The following MACROD2 variants were observed in gnomAD, a reference collection of about 807,000 sequenced individuals.
The protein encoded by MACROD2 is ADP-ribose glycohydrolase MACROD2.
Under a neutral mutation model 70.4 loss-of-function variants are expected in MACROD2, and 36 were observed. The observed-to-expected ratio is 0.51, with a 90% CI of 0.39 to 0.68. The LOEUF (loss-of-function observed/expected upper bound fraction) is 0.68. Among genes scored for constraint, MACROD2 ranks in the 30% least tolerant of loss-of-function variants. The pLI, the probability that MACROD2 is intolerant of heterozygous loss-of-function variation, is 0.00. For synonymous variants in MACROD2, 172 were observed against 178.8 expected (o/e 0.96, Z 0.30); for missense variants, 496 against 538.4 (o/e 0.92, Z 0.78).
At position 15,350,839 on chromosome 20, in the gene MACROD2, C is replaced by A. The variant is rs564711835; in HGVS notation, c.541-80566C>A. Among the ~76,000 whole-genome samples, 4 of 152,176 alleles carry A rather than the reference C, an allele frequency of 2.6e-5. No individual in the cohort carries two copies. In the East Asian group the frequency reaches 7.7e-4, roughly 29 times the overall value. ...GTGTATAATAGTTGAGATTATTATT[C>A]TTTACATTTCTCCCTTGAACTAATT... On this transcript the variant is annotated intron_variant, in intron 6 of 17. Transcript: ENST00000684519.
chr20:14,681,120 G>C (rs1334047336), intron 4 of MACROD2, among the ~76,000 whole-genome samples: 2 of 152,074 alleles, frequency 1.3e-5, no homozygotes, highest in Non-Finnish European at 2.9e-5. Context: ...CATTAAAAAG[G>C]CTGACGACAA....
At chr20:14,318,569 T>TA (rs2082632764) in intron 3 of MACROD2, among the ~76,000 whole-genome samples, 1 of 152,232 alleles carries the variant, frequency 6.6e-6, no homozygotes, top group Non-Finnish European at 1.5e-5. Flanking sequence ...TATTTTGAGA[T>TA]AAAGTTGGAT....
At chr20:15,666,859 C>T (rs1266058679) in intron 8 of MACROD2, among the ~76,000 whole-genome samples, 1 of 148,990 alleles carries the variant, frequency 6.7e-6, no homozygotes, top group Non-Finnish European at 1.5e-5. Context: ...TTGAGTATTT[C>T]TCATGGGGGA....
chr20:15,522,007 G>A (rs770576162), intron 8 of MACROD2, among the ~76,000 whole-genome samples: 15 of 152,198 alleles, frequency 9.9e-5, no homozygotes, highest in Non-Finnish European at 1.5e-4. Flanking sequence ...GAAGTCTTTG[G>A]ACTTAAGTTG....
intron 4 of MACROD2, among the ~76,000 whole-genome samples, chr20:14,551,318 A>G (rs1299505794): frequency 6.6e-6 from 1 of 152,156 alleles, no homozygotes; most frequent in Non-Finnish European, 1.5e-5. Context: ...TTAGTTTTCA[A>G]ATATTGATTT....
chr20:15,614,482 CA>C (rs923431871), intron 8 of MACROD2, among the ~76,000 whole-genome samples: 48 of 152,166 alleles, frequency 3.2e-4, no homozygotes, highest in African/African-American at 1.1e-3. Context: ...AGAATGGCAT[CA>C]CCTGTGAAGG....
chr20:15,932,192 C>T (rs1055143727), intron 10 of MACROD2, among the ~76,000 whole-genome samples: 4 of 152,114 alleles, frequency 2.6e-5, no homozygotes, highest in Non-Finnish European at 2.9e-5. Flanking sequence ...CCTTCATGCT[C>T]CCCACACATC....
At chr20:15,656,478 A>T (rs989733840) in intron 8 of MACROD2, among the ~76,000 whole-genome samples, 11 of 152,202 alleles carry the variant, frequency 7.2e-5, no homozygotes, top group Admixed American at 7.2e-4. Context: ...CATCAAGCTA[A>T]TATTTGTATA....
intron 6 of MACROD2, among the ~76,000 whole-genome samples, chr20:15,340,829 C>A (rs569919470): frequency 7.3e-4 from 110 of 151,558 alleles, no homozygotes; most frequent in African/African-American, 2.7e-3. Flanking sequence ...CATGGTCTTT[C>A]TTCAAAATAC....
At chr20:15,799,809 T>C (rs2063707800) in intron 8 of MACROD2, among the ~76,000 whole-genome samples, 1 of 152,232 alleles carries the variant, frequency 6.6e-6, no homozygotes, top group Non-Finnish European at 1.5e-5. Context: ...AAGTAATCAG[T>C]AGTGGGACTG....
chr20:15,672,404 C>CTCAT (rs1395161068), intron 8 of MACROD2, among the ~76,000 whole-genome samples: 1 of 151,176 alleles, frequency 6.6e-6, no homozygotes, highest in African/African-American at 2.4e-5. Context: ...CATTCATTCA[C>CTCAT]TCATTCATTC....
intron 3 of MACROD2, among the ~76,000 whole-genome samples, chr20:14,312,122 A>G (rs2082573018): frequency 1.3e-5 from 2 of 152,232 alleles, no homozygotes; most frequent in South Asian, 4.1e-4. Context: ...GTGTTTGGGC[A>G]CAGCTTCAAC....
intron 6 of MACROD2, among the ~76,000 whole-genome samples, chr20:15,281,187 G>A (rs1315053541): frequency 6.6e-6 from 1 of 152,212 alleles, no homozygotes; most frequent in South Asian, 2.1e-4. Context: ...GACATGTAGG[G>A]ATTGTAGGTA....
At chr20:14,460,085 A>G (rs1277580203) in intron 3 of MACROD2, among the ~76,000 whole-genome samples, 3 of 152,098 alleles carry the variant, frequency 2.0e-5, no homozygotes, top group Non-Finnish European at 4.4e-5. Context: ...ACAGTGTTCC[A>G]TGGTGTATAT....
chr20:14,330,206 T>G (rs571674221), intron 3 of MACROD2, among the ~76,000 whole-genome samples: 1 of 152,156 alleles, frequency 6.6e-6, no homozygotes, highest in African/African-American at 2.4e-5. Flanking sequence ...AAAGAAGACT[T>G]TTGGCTTGAC....
At chr20:15,415,097 G>A (rs1366263034) in intron 6 of MACROD2, among the ~76,000 whole-genome samples, 1 of 152,170 alleles carries the variant, frequency 6.6e-6, no homozygotes, top group Non-Finnish European at 1.5e-5. Flanking sequence ...AATAACTACA[G>A]GGCCAGTTGC....
intron 2 of MACROD2, among the ~76,000 whole-genome samples, chr20:14,018,492 T>C (rs757177117): frequency 3.3e-5 from 5 of 152,182 alleles, no homozygotes; most frequent in Admixed American, 6.5e-5. Context: ...TCTGATTCCT[T>C]TCCCCATTTT....
chr20:14,526,816 G>A (rs145879396), intron 4 of MACROD2, among the ~76,000 whole-genome samples: 2,295 of 152,298 alleles, frequency 0.015, 66 homozygotes, highest in African/African-American at 0.053. Flanking sequence ...GAACGCTGAG[G>A]GCCCCAGTGG....
At chr20:14,488,053 G>A (rs1287736869) in intron 3 of MACROD2, among the ~76,000 whole-genome samples, 2 of 152,114 alleles carry the variant, frequency 1.3e-5, no homozygotes, top group East Asian at 1.9e-4. Context: ...GTGGATATAT[G>A]GGTACATGTT....
Sources: allele counts gnomAD v4.1 joint callset (sites outside exome capture counted in the v4.1 genomes callset), GRCh38; gene constraint gnomAD v4.1.1; transcripts MANE v1.5; gene names NCBI Gene and HGNC (gene_info 2026-07-23, HGNC 2026-07-21).